GALNT13: variants seen among roughly 807,000 people sequenced by gnomAD.
The protein encoded by GALNT13 is polypeptide N-acetylgalactosaminyltransferase 13, also known as UDP-GalNAc:polypeptide N-acetylgalactosaminyltransferase 13.
In GALNT13, 28 loss-of-function variants were observed where a neutral mutation model predicts 64.2. The observed-to-expected ratio is 0.44, with a 90% CI of 0.32 to 0.60. The LOEUF (loss-of-function observed/expected upper bound fraction) is 0.60. Among genes scored for constraint, GALNT13 ranks in the 20% least tolerant of loss-of-function variants. The pLI is 0.05. For synonymous variants in GALNT13, 214 were observed against 224.6 expected, an observed-to-expected ratio of 0.95 and a Z score of 0.42; for missense variants, 577 against 669.8, an observed-to-expected ratio of 0.86 and a Z score of 1.53.
At chr2:154,324,649 A>T (rs933579245) in intron 9 of GALNT13, among the ~76,000 whole-genome samples, 10 of 152,104 alleles carry the variant, frequency 6.6e-5, no homozygotes, top group African/African-American at 2.4e-4. Context: ...CTACAAGGAA[A>T]GTAGGTTGCA....
the GALNT13 span, among the ~76,000 whole-genome samples, chr2:153,819,553 T>C: frequency 4.0e-4 from 61 of 152,206 alleles, no homozygotes; most frequent in African/African-American, 1.4e-3. Flanking sequence ...AGTCAGGGGC[T>C]CAGCTCTGCC....
chr2:153,970,798 C>T (rs990851515), intron 3 of GALNT13, among the ~76,000 whole-genome samples: 1 of 152,124 alleles, frequency 6.6e-6, no homozygotes. Flanking sequence ...ATATTCTCAA[C>T]TTTTCCTTTT....
chr2:153,719,562 A>T, the GALNT13 span, among the ~76,000 whole-genome samples: 2 of 152,156 alleles, frequency 1.3e-5, no homozygotes, highest in Non-Finnish European at 2.9e-5. Context: ...GGTTCATCTC[A>T]CTAGGGAGTG....
chr2:154,157,313 C>T (rs1684478403), intron 4 of GALNT13, among the ~76,000 whole-genome samples: 2 of 152,170 alleles, frequency 1.3e-5, no homozygotes, highest in Non-Finnish European at 2.9e-5. Flanking sequence ...ACAACCAGCC[C>T]ATCCTCTAGG....
the GALNT13 span, among the ~76,000 whole-genome samples, chr2:153,398,894 G>A: frequency 2.7e-4 from 34 of 127,504 alleles, 1 homozygote; most frequent in African/African-American, 1.0e-3. Context: ...TCTGATGGTA[G>A]TTTCTTTTGC....
the GALNT13 span, among the ~76,000 whole-genome samples, chr2:153,179,211 A>T: frequency 0.67 from 101,382 of 152,066 alleles, 33,994 homozygotes; most frequent in East Asian, 0.84. Flanking sequence ...ACTTGATTTA[A>T]GTATATGATG....
At chr2:153,249,733 AC>A in the GALNT13 span, among the ~76,000 whole-genome samples, 8 of 152,268 alleles carry the variant, frequency 5.3e-5, 1 homozygote, top group African/African-American at 1.7e-4. Flanking sequence ...TACATCTACA[AC>A]CACAAGATCT....
the GALNT13 span, among the ~76,000 whole-genome samples, chr2:153,621,160 A>T: frequency 6.6e-6 from 1 of 151,702 alleles, no homozygotes; most frequent in African/African-American, 2.4e-5. Flanking sequence ...TGAGCCACCT[A>T]ATTTATAGCT....
chr2:153,084,495 CA>C, the GALNT13 span, among the ~76,000 whole-genome samples: 1 of 152,188 alleles, frequency 6.6e-6, no homozygotes, highest in South Asian at 2.1e-4. Flanking sequence ...GCTGTGTCTC[CA>C]CCTAAATCTC....
At chr2:153,611,351 C>G in the GALNT13 span, among the ~76,000 whole-genome samples, 2 of 152,042 alleles carry the variant, frequency 1.3e-5, no homozygotes, top group African/African-American at 4.8e-5. Flanking sequence ...CCCTGCCCCC[C>G]CGTCCGCCTT....
chr2:154,308,070 T>A (rs1355298661), intron 9 of GALNT13, among the ~76,000 whole-genome samples: 1 of 152,146 alleles, frequency 6.6e-6, no homozygotes, highest in Non-Finnish European at 1.5e-5. Flanking sequence ...CTTTACTTGA[T>A]GGACACTCTT....
chr2:153,695,794 C>G, the GALNT13 span, among the ~76,000 whole-genome samples: 2 of 152,072 alleles, frequency 1.3e-5, no homozygotes, highest in Non-Finnish European at 2.9e-5. Flanking sequence ...AAGAAGTAAG[C>G]ACATTTTTAT....
intron 2 of GALNT13, among the ~76,000 whole-genome samples, chr2:153,908,968 A>C (rs1177180823): frequency 6.6e-6 from 1 of 152,080 alleles, no homozygotes; most frequent in African/African-American, 2.4e-5. Context: ...CATTGAATCT[A>C]TAAATTGCTT....
intron 4 of GALNT13, among the ~76,000 whole-genome samples, chr2:154,219,066 A>C (rs1175934779): frequency 6.6e-6 from 1 of 152,042 alleles, no homozygotes; most frequent in Non-Finnish European, 1.5e-5. Context: ...CTTTCACCAG[A>C]GTTCAAAATT....
the GALNT13 span, among the ~76,000 whole-genome samples, chr2:153,178,307 T>C: frequency 6.6e-6 from 1 of 152,248 alleles, no homozygotes; most frequent in Admixed American, 6.5e-5. Context: ...ATGGTGGTAC[T>C]AAGTTACAGT....
At chr2:153,453,667 G>A in the GALNT13 span, among the ~76,000 whole-genome samples, 1 of 152,142 alleles carries the variant, frequency 6.6e-6, no homozygotes, top group Non-Finnish European at 1.5e-5. Context: ...CACTGTTGGA[G>A]GGAATGTAAA....
At chr2:153,198,281 A>G in the GALNT13 span, among the ~76,000 whole-genome samples, 1 of 152,290 alleles carries the variant, frequency 6.6e-6, no homozygotes, top group Non-Finnish European at 1.5e-5. Context: ...GATTCCAGGC[A>G]GCTCCCTATG....
At chr2:154,362,666 A>G (rs1407218043) in intron 9 of GALNT13, among the ~76,000 whole-genome samples, 5 of 152,142 alleles carry the variant, frequency 3.3e-5, no homozygotes, top group African/African-American at 1.2e-4. Context: ...CAAATTGTTG[A>G]CTTACAGAAT....
At chr2:153,107,644 CA>C in the GALNT13 span, among the ~76,000 whole-genome samples, 9 of 152,214 alleles carry the variant, frequency 5.9e-5, no homozygotes, top group African/African-American at 1.9e-4. Flanking sequence ...GGCCTCAAAT[CA>C]TTTGTATTTG....
Sources: allele counts gnomAD v4.1 joint callset (sites outside exome capture counted in the v4.1 genomes callset), GRCh38; gene constraint gnomAD v4.1.1; transcripts MANE v1.5; gene names NCBI Gene and HGNC (gene_info 2026-07-23, HGNC 2026-07-21).